UVRAG: variants seen among roughly 807,000 people sequenced by gnomAD.
UVRAG encodes the protein UV radiation resistance associated, also known as UV radiation resistance-associated gene protein.
In UVRAG, 19 loss-of-function variants were observed where a neutral mutation model predicts 78.0. The ratio of observed to expected loss-of-function variants is 0.24; its 90% CI spans 0.17 to 0.36. The LOEUF is 0.36. Ranked by LOEUF, UVRAG falls within the 10% of genes least tolerant of loss-of-function variation. The pLI is 1.00. For missense variants in UVRAG, 740 were observed against 853.8 expected (o/e 0.87, Z 1.66); for synonymous variants, 323 against 324.6 (o/e 1.00, Z 0.05).
chr11:76,076,831 T>TATTTATTTATTTATTA (rs1951413006), intron 13 of UVRAG, among the ~76,000 whole-genome samples: 1 of 150,812 alleles, frequency 6.6e-6, no homozygotes, highest in African/African-American at 2.4e-5. Flanking sequence ...TTTATTTATT[T>TATTTATTTATTTATTA]ATTAGAGGCA....
intron 13 of UVRAG, among the ~76,000 whole-genome samples, chr11:76,075,197 CCAACTACTGCATA>C (rs1951381752): frequency 6.6e-6 from 1 of 152,096 alleles, no homozygotes; most frequent in Admixed American, 6.6e-5. Flanking sequence ...ATGCCTTTCC[CCAACTACTGCATA>C]CAAAATTTGC....
In UVRAG at chr11:76,092,337, C is replaced by T. The variant is rs578226895; in HGVS notation, c.1306-23587C>T. ...CTTTATAGCAGCATGATTTATAATC[C>T]TTTGGGTATATACCCAGTAATAGGA... On this transcript the variant is annotated intron_variant, in intron 13 of 14. Transcript: ENST00000356136. Among the ~76,000 whole-genome samples, 5 of 152,284 alleles carry T rather than the reference C, an allele frequency of 3.3e-5. No homozygotes were observed. In the East Asian group the frequency reaches 9.6e-4, roughly 29 times the overall value.
chr11:75,903,476 A>G (rs1374496163), intron 5 of UVRAG, among the ~76,000 whole-genome samples: 2 of 152,110 alleles, frequency 1.3e-5, no homozygotes, highest in Non-Finnish European at 2.9e-5. Flanking sequence ...AACGAATTGG[A>G]CTACTATTTA....
intron 7 of UVRAG, among the ~76,000 whole-genome samples, chr11:75,972,215 A>G (rs1949136700): frequency 6.6e-6 from 1 of 151,870 alleles, no homozygotes; most frequent in African/African-American, 2.4e-5. Context: ...TCTTTTGCAG[A>G]TTTTAAAGAT....
At chr11:75,853,795 C>T (rs1008987883) in intron 2 of UVRAG, among the ~76,000 whole-genome samples, 5 of 151,780 alleles carry the variant, frequency 3.3e-5, no homozygotes, top group Non-Finnish European at 7.4e-5. Flanking sequence ...TTTTTTGAGG[C>T]AGAGTCTCGC....
At chr11:75,841,579 T>C (rs2135842014) in intron 1 of UVRAG, among the ~76,000 whole-genome samples, 1 of 152,332 alleles carries the variant, frequency 6.6e-6, no homozygotes, top group South Asian at 2.1e-4. Context: ...TTTTACATTG[T>C]ACCACAATGT....
At chr11:76,008,126 G>A (rs934358303) in intron 10 of UVRAG, among the ~76,000 whole-genome samples, 12 of 151,992 alleles carry the variant, frequency 7.9e-5, no homozygotes, top group Non-Finnish European at 1.6e-4. Context: ...TAGCCAGGAT[G>A]GTCTCGATCT....
chr11:75,887,690 A>G (rs1048909373), intron 4 of UVRAG, among the ~76,000 whole-genome samples: 3 of 146,126 alleles, frequency 2.1e-5, no homozygotes, highest in Non-Finnish European at 3.0e-5. Context: ...CTCGTGATCC[A>G]CCCGCCTTGG....
intron 3 of UVRAG, among the ~76,000 whole-genome samples, chr11:75,863,857 T>G (rs560907842): frequency 6.6e-6 from 1 of 152,354 alleles, no homozygotes; most frequent in East Asian, 1.9e-4. Context: ...TGTGATTTCA[T>G]GGACATTCTG....
intron 8 of UVRAG, 145 bp from the exon 9 acceptor site, chr11:76,003,860 C>G (rs1269684111): frequency 4.5e-6 from 3 of 670,320 alleles, no homozygotes; most frequent in South Asian, 1.7e-5. Context: ...TCTAGCTACT[C>G]TCCCCAAAAA....
At chr11:76,038,396 AAAC>A (rs1396736854) in intron 12 of UVRAG, among the ~76,000 whole-genome samples, 1 of 152,250 alleles carries the variant, frequency 6.6e-6, no homozygotes, top group Admixed American at 6.5e-5. Flanking sequence ...ACAAATTTAA[AAAC>A]AACAGACATA....
At chr11:76,079,295 G>A (rs1951456932) in intron 13 of UVRAG, among the ~76,000 whole-genome samples, 1 of 151,996 alleles carries the variant, frequency 6.6e-6, no homozygotes, top group South Asian at 2.1e-4. Context: ...ACCAGCCTGG[G>A]CAGCACAACA....
intron 7 of UVRAG, among the ~76,000 whole-genome samples, chr11:75,967,954 T>G (rs1949057110): frequency 6.6e-6 from 1 of 152,214 alleles, no homozygotes; most frequent in Non-Finnish European, 1.5e-5. Context: ...CTTGAGGAAC[T>G]TTTGACCTAA....
chr11:76,106,116 A>G (rs1288450966), intron 13 of UVRAG, among the ~76,000 whole-genome samples: 1 of 152,208 alleles, frequency 6.6e-6, no homozygotes, highest in Non-Finnish European at 1.5e-5. Context: ...TGGCATATAG[A>G]TAAATCATTT....
At chr11:76,015,878 G>A (rs1038303845) in intron 11 of UVRAG, among the ~76,000 whole-genome samples, 1 of 152,192 alleles carries the variant, frequency 6.6e-6, no homozygotes, top group African/African-American at 2.4e-5. Context: ...CTAGCCAGAT[G>A]GGATATTCCA....
chr11:76,010,744 A>G (rs779541408), intron 11 of UVRAG, among the ~76,000 whole-genome samples: 2 of 152,148 alleles, frequency 1.3e-5, no homozygotes, highest in Non-Finnish European at 2.9e-5. Context: ...ATATAATTGG[A>G]ATTTGTTGCA....
At chr11:75,995,039 C>G (rs534273899) in intron 8 of UVRAG, among the ~76,000 whole-genome samples, 1 of 152,238 alleles carries the variant, frequency 6.6e-6, no homozygotes, top group African/African-American at 2.4e-5. Flanking sequence ...TCTTTCAGCT[C>G]TATTAAGATT....
intron 12 of UVRAG, among the ~76,000 whole-genome samples, chr11:76,057,532 G>T (rs1270452686): frequency 6.6e-6 from 1 of 152,098 alleles, no homozygotes; most frequent in Non-Finnish European, 1.5e-5. Flanking sequence ...TTTTGGACTG[G>T]TTAATAAATG....
chr11:75,986,726 C>T (rs1949508292), intron 8 of UVRAG, among the ~76,000 whole-genome samples: 1 of 152,020 alleles, frequency 6.6e-6, no homozygotes, highest in African/African-American at 2.4e-5. Flanking sequence ...ATTGTCCTAC[C>T]TAAAAGAAAA....
Sources: gnomAD v4.1 joint callset for allele counts (sites outside exome capture counted in the v4.1 genomes callset) on GRCh38, gnomAD v4.1.1 for gene constraint, MANE v1.5 for transcripts, NCBI Gene and HGNC (gene_info 2026-07-23, HGNC 2026-07-21) for gene names.